CACUL1: variants seen among roughly 807,000 people sequenced by gnomAD.
CACUL1 encodes CDK2 associated cullin domain 1.
In CACUL1, 13 loss-of-function variants were observed where a neutral mutation model predicts 45.2. The observed-to-expected ratio is 0.29, with a 90% CI of 0.19 to 0.46. The LOEUF (loss-of-function observed/expected upper bound fraction) is 0.46. Among genes scored for constraint, CACUL1 ranks in the 20% least tolerant of loss-of-function variants. The pLI, the probability that CACUL1 is intolerant of heterozygous loss-of-function variation, is 1.00. For missense variants in CACUL1, 421 were observed against 471.4 expected (o/e 0.89, Z 0.99); for synonymous variants, 197 against 174.2 (o/e 1.13, Z -1.03).
At position 118,754,408 on chromosome 10, in the gene CACUL1, T is replaced by C; in HGVS notation, c.355A>G (p.Thr119Ala). 3.2e-6 allele frequency: 5 copies of C among 1,569,094 alleles called. No homozygotes were observed. Among genetic ancestry groups the C allele is most frequent in the Non-Finnish European group, 3.5e-6 (4 of 1,158,636 alleles). Residue 119 changes from threonine to alanine, a missense_variant, in exon 1 of 9, where the codon ACC becomes GCC. Thr to Ala is a moderately conservative substitution (Grantham distance 58). Around this residue, in one of 2 missense-constraint regions of CACUL1, gnomAD observed 213 missense variants for 173.1 expected, o/e 1.23. Transcript: ENST00000369151. ...AGGCTGGACTCACAGAACTTGGAGG[T>C]GGAGGTGTTGATGTTGATGGTGGAG... ...ASSTININTS[T>A]SKFLMNVITI...
intron 3 of CACUL1, among the ~76,000 whole-genome samples, chr10:118,712,454 T>A (rs910022334): frequency 1.3e-5 from 2 of 152,248 alleles, no homozygotes; most frequent in African/African-American, 4.8e-5. Flanking sequence ...GGCAAGCAAG[T>A]GGCATGTCTC....
chr10:118,744,381 C>T (rs1845821592), intron 1 of CACUL1, among the ~76,000 whole-genome samples: 1 of 150,774 alleles, frequency 6.6e-6, no homozygotes, highest in South Asian at 2.1e-4. Flanking sequence ...AGCAAAACTC[C>T]GTCTCAAAAC....
At chr10:118,736,519 G>C (rs1201247166) in intron 1 of CACUL1, among the ~76,000 whole-genome samples, 1 of 151,846 alleles carries the variant, frequency 6.6e-6, no homozygotes, top group Non-Finnish European at 1.5e-5. Context: ...CAGAGTAGCT[G>C]GGACTACAGA....
At position 118,684,371 on chromosome 10, in the gene CACUL1, T is replaced by C. The variant is rs1157802294; in HGVS notation, c.*1757A>G. The C allele has an allele frequency of 1.3e-5, 2 of 152,232 alleles. No individual in the cohort carries two copies. Among genetic ancestry groups the C allele is most frequent in the Non-Finnish European group, 2.9e-5 (2 of 68,036 alleles). 9.4% of individuals were successfully genotyped at this position (152,232 alleles called of 1,614,324 possible). On this transcript the variant is annotated 3_prime_UTR_variant, in exon 9 of 9. Transcript: ENST00000369151. ...CATTGAGAAAAGTAAAATGTGAATG[T>C]CATGATGAATGGAATTCTCCTTGAT... is the stretch of plus-strand genomic sequence containing the variant.
chr10:118,684,391 C>T lies in CACUL1; in HGVS notation c.*1737G>A, dbSNP rs1845184506. On this transcript the variant is annotated 3_prime_UTR_variant, in exon 9 of 9. Coordinates refer to ENST00000369151, the MANE Select transcript of CACUL1 (RefSeq NM_153810.5). ...GAATGTCATGATGAATGGAATTCTC[C>T]TTGATACTAGAATGTTACCAGTGTA... 1.3e-5 allele frequency: 2 copies of T among 152,154 alleles called. No individual in the cohort carries two copies. Among genetic ancestry groups the T allele is most frequent in the African/African-American group, 4.8e-5 (2 of 41,422 alleles). The allele number at this position is 152,154 out of a possible 1,614,324, so 9.4% of individuals were successfully genotyped here.
intron 1 of CACUL1, among the ~76,000 whole-genome samples, chr10:118,747,522 A>AT (rs1372060665): frequency 3.2e-5 from 3 of 94,014 alleles, no homozygotes; most frequent in African/African-American, 4.1e-5. Flanking sequence ...CAAATTAATG[A>AT]TTTTTTGGTA....
intron 3 of CACUL1, among the ~76,000 whole-genome samples, chr10:118,710,828 G>A (rs975579233): frequency 1.3e-5 from 2 of 152,170 alleles, no homozygotes; most frequent in African/African-American, 4.8e-5. Flanking sequence ...ATCTAATTTA[G>A]CATTATTTAA....
Position 118,686,084 on chromosome 10 carries a change from A to G in CACUL1, c.*44T>C. 2 of 1,476,216 alleles carry G rather than the reference A, an allele frequency of 1.4e-6. No homozygotes were observed. Among genetic ancestry groups the G allele is most frequent in the Non-Finnish European group, 1.9e-6 (2 of 1,054,508 alleles). 91.4% of individuals were successfully genotyped at this position (1,476,216 alleles called of 1,614,324 possible). A position where few individuals can be genotyped will look rare whatever the true frequency, so the allele number is the denominator to read the frequency against. Reference sequence around the variant, plus strand: ...CTCTGAATACAGTCTCTGCAGCTCCAGTGTGTCCTCTTTTCAGGAAGGAAA... The same window carrying G: ...CTCTGAATACAGTCTCTGCAGCTCCGGTGTGTCCTCTTTTCAGGAAGGAAA... On this transcript the variant is annotated 3_prime_UTR_variant, in exon 9 of 9. Transcript: ENST00000369151.
chr10:118,747,536 C>CA (rs3061057), intron 1 of CACUL1, among the ~76,000 whole-genome samples: 12,846 of 77,882 alleles, frequency 0.16, 900 homozygotes, highest in Admixed American at 0.23. Flanking sequence ...TTTGGTAAAT[C>CA]AAAAAAAAAA....
At chr10:118,714,476 T>A (rs1299732841) in intron 3 of CACUL1, among the ~76,000 whole-genome samples, 1 of 152,248 alleles carries the variant, frequency 6.6e-6, no homozygotes, top group Non-Finnish European at 1.5e-5. Flanking sequence ...AAAATTTTAA[T>A]TTTCACTTCA....
At chr10:118,734,334 T>C (rs760948687) in intron 1 of CACUL1, among the ~76,000 whole-genome samples, 3 of 152,236 alleles carry the variant, frequency 2.0e-5, no homozygotes, top group East Asian at 1.9e-4. Flanking sequence ...CTAAAGAGTA[T>C]ATACAGACTT....
At chr10:118,704,526 T>C (rs1845415290) in intron 4 of CACUL1, among the ~76,000 whole-genome samples, 1 of 152,178 alleles carries the variant, frequency 6.6e-6, no homozygotes, top group African/African-American at 2.4e-5. Context: ...TACAGGCAAA[T>C]CCTTGGGCAG....
chr10:118,691,565 C>G lies in CACUL1; in HGVS notation c.887-162G>C, dbSNP rs1243547566. 4 of 655,500 alleles carry G rather than the reference C, an allele frequency of 6.1e-6. No individual in the cohort carries two copies. The African/African-American group carries it at 7.4e-5, about 12-fold the overall frequency. The allele number at this position is 655,500 out of a possible 1,614,324, so 40.6% of individuals were successfully genotyped here. On this transcript the variant is annotated intron_variant, in intron 6 of 8. Transcript: ENST00000369151. The stretch of plus-strand genomic sequence containing the variant: ...TAAAGAACATACAAAGTTAAATTTC[C>G]CTTCTAAAAAGAATTTTACAGGCCG...
intron 1 of CACUL1, among the ~76,000 whole-genome samples, chr10:118,745,988 CAA>C (rs529304054): frequency 1.5e-5 from 2 of 133,794 alleles, no homozygotes; most frequent in Admixed American, 7.6e-5. Context: ...AAAAAAAATA[CAA>C]AAAAAAAAAA....
chr10:118,696,107 T>C (rs1845319263), intron 5 of CACUL1, among the ~76,000 whole-genome samples: 1 of 152,200 alleles, frequency 6.6e-6, no homozygotes, highest in African/African-American at 2.4e-5. Flanking sequence ...GTCTCAAACG[T>C]ACAATTTGAG....
intron 1 of CACUL1, among the ~76,000 whole-genome samples, chr10:118,749,859 G>GT (rs1491081206): frequency 7.0e-5 from 10 of 143,602 alleles, no homozygotes; most frequent in African/African-American, 2.3e-4. Context: ...TAGTAACACT[G>GT]TAACTCCCCC....
intron 4 of CACUL1, 34 bp downstream of exon 4, chr10:118,707,458 G>A (rs1183644784): frequency 2.1e-6 from 2 of 968,026 alleles, no homozygotes; most frequent in African/African-American, 1.6e-5. Context: ...AATACACCTA[G>A]GTATTTGGGA....
chr10:118,711,992 T>C (rs995769418), intron 3 of CACUL1, among the ~76,000 whole-genome samples: 3 of 152,242 alleles, frequency 2.0e-5, no homozygotes, highest in African/African-American at 7.2e-5. Flanking sequence ...AACTGTTAAC[T>C]ATTTGATTTA....
rs1002104873 is a variant in CACUL1, at chr10:118,754,967, C to G, written c.-205G>C. ...GCTGACGGCGGTGGGCGCTCCGGGG[C>G]TCTAGTCTGGGAGAGGCAGCCGTAA... On this transcript the variant is annotated 5_prime_UTR_variant, in exon 1 of 9. Coordinates refer to ENST00000369151, the MANE Select transcript of CACUL1 (RefSeq NM_153810.5). The G allele has an allele frequency of 1.7e-6, 1 of 594,376 alleles. No individual in the cohort carries two copies. The highest frequency in any genetic ancestry group is 2.7e-6 in the Non-Finnish European group (1 of 368,962). 36.8% of individuals were successfully genotyped at this position (594,376 alleles called of 1,614,324 possible).
Sources: gnomAD v4.1 joint callset for allele counts (sites outside exome capture counted in the v4.1 genomes callset) on GRCh38, gnomAD v4.1.1 for gene constraint, gnomAD v4.1.1 regional missense constraint, MANE v1.5 for transcripts, NCBI Gene and HGNC (gene_info 2026-07-23, HGNC 2026-07-21) for gene names.